The following ARHGAP35 variants were observed in gnomAD, a reference collection of about 807,000 sequenced individuals.
The protein encoded by ARHGAP35 is rho GTPase-activating protein 35.
In ARHGAP35, 15 loss-of-function variants were observed where a neutral mutation model predicts 111.1. The ratio of observed to expected loss-of-function variants is 0.13; its 90% CI spans 0.09 to 0.21. ARHGAP35 has a LOEUF of 0.21. Among genes scored for constraint, ARHGAP35 ranks in the 10% least tolerant of loss-of-function variants. The probability of loss-of-function intolerance (pLI) is 1.00; values close to 1 mark genes in which losing one functional copy is unlikely to be tolerated. For missense variants in ARHGAP35, 1,262 were observed against 1,873.0 expected (o/e 0.67, Z 6.02); for synonymous variants, 643 against 710.3 (o/e 0.91, Z 1.51).
chr19:46,867,369 G>C lies in ARHGAP35; in HGVS notation c.-189+6160G>C, dbSNP rs184479629. Among the ~76,000 whole-genome samples the C allele has an allele frequency of 5.3e-5, 8 of 152,172 alleles. No individual in the cohort carries two copies. The East Asian group carries it at 1.4e-3, about 26-fold the overall frequency. ...GCATTCTTACTTGGATGATGCCCTC[G>C]TCCTGGCCACTGTAGTAAACTGGTA... is the stretch of plus-strand genomic sequence containing the variant. On this transcript the variant is annotated intron_variant, in intron 1 of 6. Transcript: ENST00000672722.
intron 2 of ARHGAP35, among the ~76,000 whole-genome samples, chr19:46,930,862 G>A (rs775468141): frequency 1.3e-5 from 2 of 151,920 alleles, no homozygotes; most frequent in Non-Finnish European, 2.9e-5. Flanking sequence ...GGCGGGAGAC[G>A]ACTTTGGTCC....
intron 1 of ARHGAP35, among the ~76,000 whole-genome samples, chr19:46,916,225 C>T (rs1158401714): frequency 1.3e-5 from 2 of 152,068 alleles, no homozygotes; most frequent in African/African-American, 4.8e-5. Context: ...TGAGCCACCG[C>T]GCCCAGCGAA....
At chr19:46,896,431 T>A (rs541002874) in intron 1 of ARHGAP35, among the ~76,000 whole-genome samples, 1 of 152,220 alleles carries the variant, frequency 6.6e-6, no homozygotes, top group Non-Finnish European at 1.5e-5. Flanking sequence ...TTGAGCAGCA[T>A]AAGGTACATA....
chr19:46,922,291 C>A lies in ARHGAP35; in HGVS notation c.3616C>A (p.Pro1206Thr), dbSNP rs1402100450. 1.2e-6 allele frequency: 2 copies of A among 1,613,588 alleles called. No homozygotes were observed. Among genetic ancestry groups the A allele is most frequent in the East Asian group, 4.5e-5 (2 of 44,878 alleles). Residue 1206 changes from proline (P) to threonine (T), a missense_variant, in exon 2 of 7, where the codon CCA becomes ACA. Pro to Thr is a conservative substitution (Grantham distance 38). Coordinates refer to ENST00000672722, the MANE Select transcript of ARHGAP35 (RefSeq NM_004491.5). This position sits in a 1 kb window ranked among gnomAD's most constrained non-coding sequence, Gnocchi z 4.0. ...TTATAAAGGGGACAATGCTGTCATTCCATACGAAACAGACGAAGACCCGCG... is the reference window on the plus strand; with the variant it reads ...TTATAAAGGGGACAATGCTGTCATTACATACGAAACAGACGAAGACCCGCG... ...QGYKGDNAVI[P>T]YETDEDPRRR...
chr19:46,985,661 G>A (rs966427830), intron 3 of ARHGAP35, among the ~76,000 whole-genome samples: 5 of 152,186 alleles, frequency 3.3e-5, no homozygotes, highest in East Asian at 1.9e-4. Flanking sequence ...AAAGCACCTA[G>A]CTCAGTGCAC....
chr19:46,874,047 A>G (rs2122122555), intron 1 of ARHGAP35, among the ~76,000 whole-genome samples: 2 of 152,304 alleles, frequency 1.3e-5, no homozygotes, highest in South Asian at 4.1e-4. Context: ...TCGCCTGGCT[A>G]AGCTATTAAT....
In ARHGAP35 at chr19:46,895,416, C is replaced by T. The variant is rs144407424; in HGVS notation, c.-188-23072C>T. Among the ~76,000 whole-genome samples, 802 of 152,316 alleles carry T rather than the reference C, an allele frequency of 5.3e-3. 10 individuals carry two copies. The highest frequency in any genetic ancestry group is 0.019 in the African/African-American group (776 of 41,576). The stretch of plus-strand genomic sequence containing the variant: ...TCCTGACCTCGTGATCCACCCGCCT[C>T]GGCCTCCCAAAGTGCTGGGATTACA... On this transcript the variant is annotated intron_variant, in intron 1 of 6. Transcript: ENST00000672722.
At chr19:46,933,839 G>A (rs1338348653) in intron 2 of ARHGAP35, among the ~76,000 whole-genome samples, 5 of 152,156 alleles carry the variant, frequency 3.3e-5, no homozygotes, top group Non-Finnish European at 7.3e-5. Context: ...CTTATGCTAG[G>A]TTCTGGTACA....
chr19:46,879,388 A>G (rs1012383581), intron 1 of ARHGAP35, among the ~76,000 whole-genome samples: 3 of 151,974 alleles, frequency 2.0e-5, no homozygotes, highest in Non-Finnish European at 4.4e-5. Context: ...GGAGATAGAG[A>G]CCATCCCGGC....
At chr19:46,864,426 A>G (rs916130829) in intron 1 of ARHGAP35, among the ~76,000 whole-genome samples, 1 of 152,174 alleles carries the variant, frequency 6.6e-6, no homozygotes, top group Non-Finnish European at 1.5e-5. Flanking sequence ...GCCTAGGGCA[A>G]TTGTATATTA....
At chr19:46,861,341 CG>C (rs1172270786) in intron 1 of ARHGAP35, among the ~76,000 whole-genome samples, 132 bp downstream of exon 1, 15 of 147,372 alleles carry the variant, frequency 1.0e-4, no homozygotes, top group African/African-American at 2.8e-4. Context: ...AGGGGAGGAG[CG>C]GCCCCCCCCC....
intron 3 of ARHGAP35, among the ~76,000 whole-genome samples, chr19:46,970,419 G>A (rs959614365): frequency 7.2e-5 from 11 of 152,198 alleles, no homozygotes; most frequent in African/African-American, 2.2e-4. Flanking sequence ...GACTGTGCAA[G>A]CAGGCATGTT....
intron 2 of ARHGAP35, among the ~76,000 whole-genome samples, chr19:46,925,382 G>C (rs989216073): frequency 1.3e-5 from 2 of 152,214 alleles, no homozygotes; most frequent in African/African-American, 4.8e-5. Flanking sequence ...TCAGGGGAGA[G>C]AAGGGCCAAG....
At chr19:46,954,202 T>C (rs192848268) in intron 3 of ARHGAP35, among the ~76,000 whole-genome samples, 59 of 152,180 alleles carry the variant, frequency 3.9e-4, no homozygotes, top group African/African-American at 1.3e-3. Context: ...AAGAGAGCTA[T>C]TGTTGAAGCC....
At chr19:46,971,362 C>T (rs1398812650) in intron 3 of ARHGAP35, among the ~76,000 whole-genome samples, 1 of 151,960 alleles carries the variant, frequency 6.6e-6, no homozygotes, top group Non-Finnish European at 1.5e-5. Flanking sequence ...ACTGAGCTCA[C>T]GCCGCTGTAC....
At chr19:46,952,909 C>T (rs1208922768) in intron 3 of ARHGAP35, among the ~76,000 whole-genome samples, 1 of 152,130 alleles carries the variant, frequency 6.6e-6, no homozygotes. Context: ...AACTCATGGC[C>T]TTGAGTGATC....
At chr19:46,998,181 C>A (rs1433726946) in intron 5 of ARHGAP35, among the ~76,000 whole-genome samples, 1 of 152,150 alleles carries the variant, frequency 6.6e-6, no homozygotes. Flanking sequence ...AGCAGAATGG[C>A]ACACATATGT....
intron 3 of ARHGAP35, among the ~76,000 whole-genome samples, chr19:46,953,055 C>T (rs1426577237): frequency 5.3e-5 from 8 of 152,180 alleles, no homozygotes; most frequent in Non-Finnish European, 8.8e-5. Flanking sequence ...ACTGTGAAGA[C>T]ACTCCTTTTT....
chr19:46,966,976 T>G (rs1050973518), intron 3 of ARHGAP35, among the ~76,000 whole-genome samples: 1 of 152,132 alleles, frequency 6.6e-6, no homozygotes, highest in African/African-American at 2.4e-5. Flanking sequence ...ATGGGAGGAA[T>G]AGTCTAGGTG....
Sources: gnomAD v4.1 joint callset for allele counts (sites outside exome capture counted in the v4.1 genomes callset) on GRCh38, gnomAD v4.1.1 for gene constraint, Gnocchi (gnomAD v3.1) non-coding constraint, MANE v1.5 for transcripts, NCBI Gene and HGNC (gene_info 2026-07-23, HGNC 2026-07-21) for gene names.